Variants in POLN observed in about 807,000 individuals in gnomAD.
POLN encodes DNA polymerase nu, also known as DNA polymerase N.
POLN carries 108 observed loss-of-function variants against 113.5 expected under a neutral mutation model. The observed-to-expected ratio is 0.95, with a 90% CI of 0.81 to 1.12. POLN has a LOEUF of 1.12. POLN is among the 50% of genes most tolerant of loss of function. The pLI is 0.00. For missense variants in POLN, 1,097 were observed against 1,077.1 expected (o/e 1.02, Z -0.26); for synonymous variants, 386 against 391.5 (o/e 0.99, Z 0.17).
chr4:2,089,275 G>A (rs1730614709), intron 20 of POLN: 4 of 1,465,540 alleles, frequency 2.7e-6, no homozygotes, highest in Non-Finnish European at 3.7e-6. Context: ...AAGGTCTCTT[G>A]TGGGAGAAGC....
chr4:2,197,948 A>G (rs1160125616), intron 6 of POLN, among the ~76,000 whole-genome samples: 1 of 152,222 alleles, frequency 6.6e-6, no homozygotes, highest in Non-Finnish European at 1.5e-5. Flanking sequence ...ACAGTGAGGA[A>G]GAGTACAAGA....
chr4:2,109,637 T>C (rs1213835057), intron 19 of POLN, among the ~76,000 whole-genome samples: 1 of 152,216 alleles, frequency 6.6e-6, no homozygotes, highest in East Asian at 1.9e-4. Context: ...GAAATGTCCC[T>C]TTTTATCCAG....
At chr4:2,078,757 A>G in intron 23 of POLN, 1 of 985,470 alleles carries the variant, frequency 1.0e-6, no homozygotes, top group Non-Finnish European at 1.2e-6. Flanking sequence ...TATGAGAAGC[A>G]TTTCCTCGTG....
At chr4:2,131,364 C>T in intron 16 of POLN, 74 bp from the exon 17 acceptor site, 2 of 984,506 alleles carry the variant, frequency 2.0e-6, no homozygotes, top group Admixed American at 2.4e-5. Flanking sequence ...ATTTAATGTA[C>T]ATCACATTTT....
chr4:2,240,808 C>A, intron 2 of POLN: 1 of 1,613,910 alleles, frequency 6.2e-7, no homozygotes, highest in African/African-American at 1.3e-5. Flanking sequence ...TGTTCATTCA[C>A]ATTCCCACAA....
chr4:2,124,203 G>C (rs1272333124), intron 19 of POLN, among the ~76,000 whole-genome samples: 1 of 152,176 alleles, frequency 6.6e-6, no homozygotes, highest in Non-Finnish European at 1.5e-5. Flanking sequence ...GGTGAATTGG[G>C]AGTGGTGGTT....
At chr4:2,144,129 G>A (rs996238889) in intron 16 of POLN, among the ~76,000 whole-genome samples, 1 of 146,408 alleles carries the variant, frequency 6.8e-6, no homozygotes, top group Non-Finnish European at 1.5e-5. Context: ...CATATTCACT[G>A]TTAAAAATTT....
At chr4:2,219,389 G>C (rs1038636980) in intron 3 of POLN, among the ~76,000 whole-genome samples, 1 of 152,176 alleles carries the variant, frequency 6.6e-6, no homozygotes, top group Non-Finnish European at 1.5e-5. Flanking sequence ...ACTCACTATG[G>C]TGTTGCATAA....
chr4:2,240,915 AAT>A, intron 2 of POLN: 1 of 1,597,300 alleles, frequency 6.3e-7, no homozygotes, highest in Non-Finnish European at 8.5e-7. Context: ...AATTTTTTTT[AAT>A]GTTTCCACAA....
intron 19 of POLN, among the ~76,000 whole-genome samples, chr4:2,104,999 G>A (rs1731027886): frequency 6.6e-6 from 1 of 152,200 alleles, no homozygotes. Context: ...AATCACGACA[G>A]CAGCTACCCT....
chr4:2,225,477 C>T (rs1734360593), intron 3 of POLN, among the ~76,000 whole-genome samples: 1 of 151,600 alleles, frequency 6.6e-6, no homozygotes, highest in African/African-American at 2.4e-5. Context: ...ATCCCTTGAA[C>T]CCAGGAGGGG....
intron 3 of POLN, among the ~76,000 whole-genome samples, chr4:2,217,417 TG>T (rs2108768215): frequency 6.6e-6 from 1 of 152,296 alleles, no homozygotes; most frequent in Non-Finnish European, 1.5e-5. Flanking sequence ...AATGATGTCA[TG>T]GGTTCTGGGC....
chr4:2,151,839 G>A (rs1307137679), intron 16 of POLN, among the ~76,000 whole-genome samples: 1 of 152,144 alleles, frequency 6.6e-6, no homozygotes, highest in Non-Finnish European at 1.5e-5. Flanking sequence ...TGGGGAGGGA[G>A]ATATTACAAA....
chr4:2,217,208 C>T (rs762818962), intron 3 of POLN, among the ~76,000 whole-genome samples: 2 of 152,226 alleles, frequency 1.3e-5, no homozygotes, highest in Non-Finnish European at 1.5e-5. Context: ...ACTGGGGCCA[C>T]TTCTCCTTCC....
chr4:2,193,732 G>A (rs1427393282), intron 6 of POLN, among the ~76,000 whole-genome samples: 2 of 152,122 alleles, frequency 1.3e-5, no homozygotes, highest in Admixed American at 1.3e-4. Flanking sequence ...GCTGTGCCAC[G>A]TCCTGCTTTG....
intron 23 of POLN, chr4:2,077,027 G>A (rs1730292534): frequency 6.6e-6 from 1 of 152,206 alleles, no homozygotes; most frequent in African/African-American, 2.4e-5. Context: ...TTAGCAGGGA[G>A]GGAGGTAAGG....
At chr4:2,140,566 G>A (rs2108730973) in intron 16 of POLN, among the ~76,000 whole-genome samples, 1 of 152,226 alleles carries the variant, frequency 6.6e-6, no homozygotes, top group East Asian at 1.9e-4. Context: ...GGCCACCATG[G>A]CAGAGCCCCA....
At chr4:2,195,646 G>A (rs1733554967) in intron 6 of POLN, among the ~76,000 whole-genome samples, 1 of 151,942 alleles carries the variant, frequency 6.6e-6, no homozygotes, top group Non-Finnish European at 1.5e-5. Context: ...ACTGTACCCG[G>A]GTAATTTTTA....
chr4:2,073,061 G>T (rs889705544), intron 24 of POLN, 32 bp from the exon 25 acceptor site: 3 of 1,607,916 alleles, frequency 1.9e-6, no homozygotes, highest in Non-Finnish European at 2.6e-6. Context: ...AGGCCCTGCT[G>T]GTCTCTTGGC....
Sources: allele counts gnomAD v4.1 joint callset (sites outside exome capture counted in the v4.1 genomes callset), GRCh38; gene constraint gnomAD v4.1.1; transcripts MANE v1.5; gene names NCBI Gene and HGNC (gene_info 2026-07-23, HGNC 2026-07-21).